Variants in QSOX2 observed in about 807,000 individuals in gnomAD.
QSOX2 encodes sulfhydryl oxidase 2.
QSOX2 carries 46 observed loss-of-function variants against 61.7 expected under a neutral mutation model. The observed-to-expected ratio is 0.75, with a 90% CI of 0.59 to 0.95. The LOEUF is 0.95. Ranked by LOEUF, QSOX2 falls within the 40% of genes least tolerant of loss-of-function variation. The pLI is 0.00. For missense variants in QSOX2, 879 were observed against 918.9 expected (o/e 0.96, Z 0.56); for synonymous variants, 383 against 388.4 (o/e 0.99, Z 0.16).
intron 6 of QSOX2, among the ~76,000 whole-genome samples, chr9:136,220,000 C>A (rs1831962167): frequency 6.6e-6 from 1 of 152,164 alleles, no homozygotes; most frequent in African/African-American, 2.4e-5. Context: ...TCTGTGGTTA[C>A]CCTGAATTCC....
intron 11 of QSOX2, 117 bp downstream of exon 11, chr9:136,211,147 G>A: frequency 8.9e-7 from 1 of 1,117,780 alleles, no homozygotes; most frequent in South Asian, 1.5e-5. Context: ...CACAGTGGGT[G>A]GCACGAGGCC....
At chr9:136,236,729 T>C (rs2131067813) in intron 1 of QSOX2, among the ~76,000 whole-genome samples, 1 of 152,160 alleles carries the variant, frequency 6.6e-6, no homozygotes, top group South Asian at 2.1e-4. Flanking sequence ...GAGCTCGTCC[T>C]GGGTCTGCGT....
intron 1 of QSOX2, among the ~76,000 whole-genome samples, chr9:136,243,752 C>T (rs952539031): frequency 5.9e-5 from 9 of 152,202 alleles, no homozygotes; most frequent in African/African-American, 2.2e-4. Context: ...TCCCTGAAGC[C>T]CTCTCCCTGC....
At chr9:136,227,968 C>A (rs1830297636) in intron 1 of QSOX2, among the ~76,000 whole-genome samples, 1 of 151,988 alleles carries the variant, frequency 6.6e-6, no homozygotes, top group Admixed American at 6.6e-5. Context: ...AAAAAAAAGT[C>A]CCTATTTGTT....
At chr9:136,214,686 A>T (rs1288690446) in intron 10 of QSOX2, among the ~76,000 whole-genome samples, 1 of 152,200 alleles carries the variant, frequency 6.6e-6, no homozygotes, top group Non-Finnish European at 1.5e-5. Context: ...AATCCTGAAG[A>T]AGAGGACCCA....
intron 1 of QSOX2, among the ~76,000 whole-genome samples, chr9:136,232,724 A>C (rs1330724607): frequency 6.6e-6 from 1 of 152,020 alleles, no homozygotes; most frequent in Non-Finnish European, 1.5e-5. Context: ...ACTTGAGCCC[A>C]GGAGTTTAAG....
Position 136,223,709 on chromosome 9 carries a change from C to T in QSOX2, c.675+54G>A, listed in dbSNP as rs372907294. 2.1e-3 allele frequency: 3,032 copies of T among 1,438,684 alleles called. 83 individuals are homozygous for T. The South Asian group carries it at 0.033, about 16-fold the overall frequency. 89.1% of individuals were successfully genotyped at this position (1,438,684 alleles called of 1,614,324 possible). A position where few individuals can be genotyped will look rare whatever the true frequency, so the allele number is the denominator to read the frequency against. On this transcript the variant is annotated intron_variant, in intron 5 of 11. Transcript: ENST00000358701. This position sits in a 1 kb window ranked among gnomAD's most constrained non-coding sequence, Gnocchi z 4.4. ...CCTGCAAATCTCATCACAGATCCAC[C>T]GCCAACCCCAATCACACCACGTGTG... is the stretch of plus-strand genomic sequence containing the variant.
chr9:136,226,640 G>A (rs1258438289), intron 2 of QSOX2, 134 bp downstream of exon 2: 29 of 767,372 alleles, frequency 3.8e-5, no homozygotes, highest in Non-Finnish European at 4.8e-6. Flanking sequence ...AAGTTCCAAG[G>A]AGAGAGCCAG....
chr9:136,211,181 C>T (rs550813186), intron 11 of QSOX2, 83 bp downstream of exon 11: 193 of 1,442,328 alleles, frequency 1.3e-4, no homozygotes, highest in East Asian at 8.7e-4. Flanking sequence ...ACAAGCCCCA[C>T]GGCAGCCGTG....
intron 3 of QSOX2, 44 bp from the exon 4 acceptor site, chr9:136,224,156 C>T (rs752620982): frequency 4.6e-6 from 7 of 1,507,502 alleles, no homozygotes. Context: ...TGCGGCTGTC[C>T]TCGTGGGGCA....
At chr9:136,237,979 C>A (rs1187874976) in intron 1 of QSOX2, among the ~76,000 whole-genome samples, 2 of 152,226 alleles carry the variant, frequency 1.3e-5, no homozygotes, top group Non-Finnish European at 2.9e-5. Flanking sequence ...TCCTATGGGG[C>A]AAGAAAACCA....
intron 10 of QSOX2, 64 bp from the exon 11 acceptor site, chr9:136,211,516 T>C: frequency 3.9e-6 from 6 of 1,544,520 alleles, no homozygotes; most frequent in Non-Finnish European, 4.4e-6. Flanking sequence ...CCCACGCTTG[T>C]CCAGAGAGCC....
Position 136,221,677 on chromosome 9 carries a change from A to T in QSOX2, c.821+119T>A. On this transcript the variant is annotated intron_variant, in intron 6 of 11. Coordinates refer to ENST00000358701, the MANE Select transcript of QSOX2 (RefSeq NM_181701.4). This position sits in a 1 kb window ranked among gnomAD's most constrained non-coding sequence, Gnocchi z 4.5. ...GCCAGGGCCCAAATCTGCCCAGGGA[A>T]GCGAGGCGGAGGGGCCAGGGCTCCC... 9.2e-7 allele frequency: 1 copy of T among 1,086,450 alleles called. No individual in the cohort carries two copies. The highest frequency in any genetic ancestry group is 1.3e-6 in the Non-Finnish European group (1 of 782,386). 67.3% of individuals were successfully genotyped at this position (1,086,450 alleles called of 1,614,324 possible).
chr9:136,210,459 G>C (rs1369516553), intron 11 of QSOX2: 1 of 985,422 alleles, frequency 1.0e-6, no homozygotes, highest in Non-Finnish European at 1.2e-6. Context: ...CACTGCCTCA[G>C]AGCCGAGGGC....
rs1171029652 is a variant in QSOX2 at position 136,222,154 on chromosome 9, G to T, written c.676-213C>A. On this transcript the variant is annotated intron_variant, in intron 5 of 11. Transcript: ENST00000358701. The surrounding 1 kb of genome is among the most constrained non-coding windows in gnomAD (Gnocchi z 6.9). Reference sequence around the variant, plus strand: ...ATGAGCAGAAACCACGGTCTTATTCGGCAATTTTACAAACTCATCAAAGAA... The same window carrying T: ...ATGAGCAGAAACCACGGTCTTATTCTGCAATTTTACAAACTCATCAAAGAA... 6.6e-6 allele frequency among the ~76,000 whole-genome samples: 1 copy of T among 152,044 alleles called. No homozygotes were observed. Among genetic ancestry groups the T allele is most frequent in the Non-Finnish European group, 1.5e-5 (1 of 68,002 alleles).
chr9:136,218,971 C>G, intron 7 of QSOX2, 59 bp downstream of exon 7: 1 of 1,594,618 alleles, frequency 6.3e-7, no homozygotes, highest in Non-Finnish European at 8.6e-7. Context: ...CCTGCAAGCA[C>G]GCAGCCTTCG....
At chr9:136,215,395 G>A (rs1056172086) in intron 9 of QSOX2, 91 bp from the exon 10 acceptor site, 2 of 942,368 alleles carry the variant, frequency 2.1e-6, no homozygotes, top group Non-Finnish European at 2.9e-6. Context: ...GACTGGGGGG[G>A]GTGGATAATG....
chr9:136,211,270 G>C lies in QSOX2; in HGVS notation c.1543C>G (p.Leu515Val). 1 of 1,613,768 alleles carries C rather than the reference G, an allele frequency of 6.2e-7. No homozygotes were observed. The highest frequency in any genetic ancestry group is 1.7e-5 in the Admixed American group (1 of 60,022). ...ATGCCCAGGGGCTTCTCACCTGCCA[G>C]GCGGCCGTTCACCATATTATGCTTC... Reference protein sequence around the residue: ...WKKHNMVNGRLAGHLSEDPRF... With the variant: ...WKKHNMVNGRVAGHLSEDPRF... Residue 515 changes from leucine (L) to valine (V), a missense_variant, in exon 11 of 12, where the codon CTG becomes GTG. Coordinates refer to ENST00000358701, the MANE Select transcript of QSOX2 (RefSeq NM_181701.4).
chr9:136,236,513 C>A (rs975608769), intron 1 of QSOX2, among the ~76,000 whole-genome samples: 1 of 152,244 alleles, frequency 6.6e-6, no homozygotes, highest in African/African-American at 2.4e-5. Flanking sequence ...GAAGAGCCAG[C>A]GCTGCAGCAT....
Sources: gnomAD v4.1 joint callset for allele counts (sites outside exome capture counted in the v4.1 genomes callset) on GRCh38, gnomAD v4.1.1 for gene constraint, Gnocchi (gnomAD v3.1) non-coding constraint, MANE v1.5 for transcripts, NCBI Gene and HGNC (gene_info 2026-07-23, HGNC 2026-07-21) for gene names.